Variants in GALNT13 observed in about 807,000 individuals in gnomAD.
GALNT13 encodes UDP-GalNAc:polypeptide N-acetylgalactosaminyltransferase 13.
In GALNT13, 28 loss-of-function variants were observed where a neutral mutation model predicts 64.2. The ratio of observed to expected loss-of-function variants is 0.44; its 90% CI spans 0.32 to 0.60. The LOEUF (loss-of-function observed/expected upper bound fraction) is 0.60. Ranked by LOEUF, GALNT13 falls within the 20% of genes least tolerant of loss-of-function variation. The pLI is 0.05. For synonymous variants in GALNT13, 214 were observed against 224.6 expected (o/e 0.95, Z 0.42); for missense variants, 577 against 669.8 (o/e 0.86, Z 1.53).
the GALNT13 span, among the ~76,000 whole-genome samples, chr2:153,250,285 C>G: frequency 1.3e-5 from 2 of 152,198 alleles, no homozygotes; most frequent in Non-Finnish European, 2.9e-5. Context: ...TGGAAAAAAG[C>G]TCATCATCGC....
the GALNT13 span, among the ~76,000 whole-genome samples, chr2:153,746,208 C>T: frequency 3.4e-4 from 52 of 152,220 alleles, 1 homozygote; most frequent in South Asian, 3.5e-3. Flanking sequence ...CTGAACACAC[C>T]TACATAGCCA....
At chr2:153,404,788 A>G in the GALNT13 span, among the ~76,000 whole-genome samples, 2 of 152,348 alleles carry the variant, frequency 1.3e-5, no homozygotes, top group East Asian at 3.9e-4. Context: ...AAATTCAGTA[A>G]ACGAGACTGG....
chr2:153,972,235 A>G (rs1438977297), intron 3 of GALNT13, among the ~76,000 whole-genome samples: 1 of 152,062 alleles, frequency 6.6e-6, no homozygotes, highest in Admixed American at 6.6e-5. Flanking sequence ...TGGCAGCCCT[A>G]GGAAACAAAT....
chr2:153,434,894 A>G, the GALNT13 span, among the ~76,000 whole-genome samples: 2 of 152,254 alleles, frequency 1.3e-5, no homozygotes, highest in East Asian at 3.9e-4. Flanking sequence ...TTAGACATGA[A>G]GTCCTTGCCC....
At chr2:153,906,089 C>T (rs58301681) in intron 2 of GALNT13, among the ~76,000 whole-genome samples, 13,421 of 151,672 alleles carry the variant, frequency 0.088, 1,563 homozygotes, top group East Asian at 0.62. Context: ...TATTTTTGGA[C>T]CACAGTTGAC....
At chr2:154,401,734 G>A (rs914737461) in intron 10 of GALNT13, among the ~76,000 whole-genome samples, 1 of 152,090 alleles carries the variant, frequency 6.6e-6, no homozygotes, top group Admixed American at 6.5e-5. Flanking sequence ...GATTTTGGTT[G>A]TCACTGTTTT....
rs543310371 is a variant in GALNT13, at chr2:154,147,254, TTG to T, written c.311+6753_311+6754del. ...ATTTTCAGCATTTATCGGGACCTAA[TTG>T]TGTACCAATGAAAACTAAAATATAC... On this transcript the variant is annotated intron_variant, in intron 4 of 12. Coordinates refer to ENST00000392825, the MANE Select transcript of GALNT13 (RefSeq NM_052917.4). Among the ~76,000 whole-genome samples, 23 of 151,860 alleles carry T rather than the reference TTG, an allele frequency of 1.5e-4. No homozygotes were observed. In the South Asian group the frequency reaches 3.3e-3, roughly 22 times the overall value.
chr2:153,071,495 A>G, the GALNT13 span, among the ~76,000 whole-genome samples: 1 of 152,210 alleles, frequency 6.6e-6, no homozygotes, highest in Non-Finnish European at 1.5e-5. Flanking sequence ...ATTACTGGTT[A>G]TGTTGAGCAA....
the GALNT13 span, among the ~76,000 whole-genome samples, chr2:153,615,546 G>A: frequency 6.6e-6 from 1 of 151,928 alleles, no homozygotes. Context: ...GTTATTTCCT[G>A]CCTGTCTTTG....
At chr2:153,613,822 G>A in the GALNT13 span, among the ~76,000 whole-genome samples, 3 of 152,024 alleles carry the variant, frequency 2.0e-5, no homozygotes, top group East Asian at 1.9e-4. Flanking sequence ...TTTTATGGCT[G>A]CATAGTATTC....
intron 3 of GALNT13, among the ~76,000 whole-genome samples, chr2:153,976,218 T>C (rs1230827654): frequency 1.3e-5 from 2 of 152,148 alleles, no homozygotes; most frequent in Non-Finnish European, 2.9e-5. Flanking sequence ...CCTCAGTGCT[T>C]AGATTAGCAT....
At chr2:154,425,766 T>A (rs558483744) in intron 11 of GALNT13, among the ~76,000 whole-genome samples, 1 of 152,142 alleles carries the variant, frequency 6.6e-6, no homozygotes, top group Non-Finnish European at 1.5e-5. Flanking sequence ...ATTCAGCAGT[T>A]CATGAAGGTG....
intron 3 of GALNT13, among the ~76,000 whole-genome samples, chr2:154,133,855 G>A (rs1682791714): frequency 6.6e-6 from 1 of 151,970 alleles, no homozygotes; most frequent in South Asian, 2.1e-4. Flanking sequence ...TAATGGTTTA[G>A]CAAAATAAAG....
At chr2:154,111,941 G>T (rs1206971263) in intron 3 of GALNT13, among the ~76,000 whole-genome samples, 1 of 152,192 alleles carries the variant, frequency 6.6e-6, no homozygotes, top group African/African-American at 2.4e-5. Context: ...CATAAAGTGA[G>T]TGCCTTGGTC....
the GALNT13 span, among the ~76,000 whole-genome samples, chr2:153,196,670 TCTCA>T: frequency 3.3e-5 from 5 of 151,828 alleles, no homozygotes; most frequent in Non-Finnish European, 7.4e-5. Context: ...GGCTCCAGGT[TCTCA>T]CTGGGCACCT....
chr2:153,474,850 T>G, the GALNT13 span, among the ~76,000 whole-genome samples: 1 of 150,958 alleles, frequency 6.6e-6, no homozygotes, highest in Non-Finnish European at 1.5e-5. Context: ...ACTGACCAAA[T>G]GGTGGACTTC....
At chr2:154,377,567 C>G in intron 9 of GALNT13, among the ~76,000 whole-genome samples, 1 of 152,056 alleles carries the variant, frequency 6.6e-6, no homozygotes, top group East Asian at 1.9e-4. Flanking sequence ...TCAAATTATT[C>G]AAATGAGACT....
rs552975756 is a variant in GALNT13 at position 154,174,087 on chromosome 2, A to G, written c.311+33582A>G. ...TCAGTGTTCTTTGAACTTAAATTAGATATAGATAATTTAATTGTGATGAGT... is the reference window on the plus strand; with the variant it reads ...TCAGTGTTCTTTGAACTTAAATTAGGTATAGATAATTTAATTGTGATGAGT... On this transcript the variant is annotated intron_variant, in intron 4 of 12. Transcript: ENST00000392825. Among the ~76,000 whole-genome samples, 20 of 152,198 alleles carry G rather than the reference A, an allele frequency of 1.3e-4. 1 individual carries two copies. In the South Asian group the frequency reaches 3.7e-3, roughly 28 times the overall value.
the GALNT13 span, among the ~76,000 whole-genome samples, chr2:153,094,097 C>A: frequency 6.6e-6 from 1 of 151,856 alleles, no homozygotes; most frequent in Non-Finnish European, 1.5e-5. Flanking sequence ...TAAAGTTTGT[C>A]CATTTTGTTT....
Sources: gnomAD v4.1 joint callset for allele counts (sites outside exome capture counted in the v4.1 genomes callset) on GRCh38, gnomAD v4.1.1 for gene constraint, MANE v1.5 for transcripts, NCBI Gene and HGNC (gene_info 2026-07-23, HGNC 2026-07-21) for gene names.